Variants in ATXN3 observed in about 807,000 individuals in gnomAD.
ATXN3 encodes ataxin 3.
ATXN3 carries 28 observed loss-of-function variants against 58.2 expected under a neutral mutation model. The ratio of observed to expected loss-of-function variants is 0.48; its 90% CI spans 0.36 to 0.66. ATXN3 has a LOEUF of 0.66. ATXN3 is among the 30% of genes least tolerant of loss of function. The probability of loss-of-function intolerance (pLI) is 0.00; values close to 1 mark genes in which losing one functional copy is unlikely to be tolerated. For missense variants in ATXN3, 321 were observed against 422.1 expected (o/e 0.76, Z 2.10); for synonymous variants, 113 against 138.5 (o/e 0.82, Z 1.29).
At chr14:92,055,965 A>C (rs1056816729), downstream of ATXN3, among the ~76,000 whole-genome samples, 1 of 152,236 alleles carries the variant, frequency 6.6e-6, no homozygotes, top group African/African-American at 2.4e-5. This position sits in a 1 kb window ranked among gnomAD's most constrained non-coding sequence, Gnocchi z 4.5. Flanking sequence ...TGTCTCAAAA[A>C]AAAAGGCAGT....
chr14:92,088,693 G>T, intron 6 of ATXN3, 37 bp downstream of exon 6: 1 of 1,409,226 alleles, frequency 7.1e-7, no homozygotes, highest in South Asian at 1.2e-5. Context: ...TAACTACTTC[G>T]AAAGGTAACA....
downstream of ATXN3, chr14:92,058,465 G>A (rs1164993049): frequency 6.6e-6 from 1 of 152,190 alleles, no homozygotes; most frequent in Non-Finnish European, 1.5e-5. Context: ...CTGGGTAGCT[G>A]GAACTGTAGA....
At chr14:92,066,774 A>ATT (rs144833998) in intron 10 of ATXN3, among the ~76,000 whole-genome samples, 40,291 of 140,376 alleles carry the variant, frequency 0.29, 6,061 homozygotes, top group African/African-American at 0.39. Flanking sequence ...AGCCTGGATA[A>ATT]TTTTTTTTTT....
At chr14:92,053,997 C>T (rs541785319), downstream of ATXN3, among the ~76,000 whole-genome samples, 196 of 151,934 alleles carry the variant, frequency 1.3e-3, 1 homozygote, top group African/African-American at 4.6e-3. Flanking sequence ...GTGCATGGCG[C>T]GATATCTGCT....
chr14:92,095,696 A>G (rs2065041611), intron 3 of ATXN3, among the ~76,000 whole-genome samples: 1 of 150,844 alleles, frequency 6.6e-6, no homozygotes, highest in African/African-American at 2.4e-5. Flanking sequence ...AGTGGCTCAC[A>G]CCTGTAATCC....
intron 9 of ATXN3, among the ~76,000 whole-genome samples, chr14:92,072,659 C>G (rs2059632080): frequency 1.0e-5 from 1 of 95,424 alleles, no homozygotes; most frequent in African/African-American, 4.0e-5. Flanking sequence ...CCAAAACTTA[C>G]AAACAGCTGA....
intron 1 of ATXN3, among the ~76,000 whole-genome samples, chr14:92,102,243 A>AAAGAAAGAAAGAAAAGG (rs2067000915): frequency 6.6e-6 from 1 of 151,676 alleles, no homozygotes; most frequent in Non-Finnish European, 1.5e-5. Flanking sequence ...GGAAGGAAGG[A>AAAGAAAGAAAGAAAAGG]AAGAAAGAAA....
chr14:92,056,975 A>G (rs902250101), downstream of ATXN3, among the ~76,000 whole-genome samples: 1 of 152,200 alleles, frequency 6.6e-6, no homozygotes, highest in African/African-American at 2.4e-5. Context: ...CGGCTGAAAA[A>G]GCCAAAATGG....
At position 92,064,431 on chromosome 14, in the gene ATXN3, C is replaced by A; in HGVS notation, c.992-17G>T. 6.4e-7 allele frequency: 1 copy of A among 1,560,516 alleles called. No individual in the cohort carries two copies. Among genetic ancestry groups the A allele is most frequent in the South Asian group, 1.2e-5 (1 of 83,922 alleles). ...TAGCATCACCTGTTGGGAAACAAAA[C>A]CACATTTCTTTAAAATTTCCAGAAA... On this transcript the variant is annotated splice_polypyrimidine_tract_variant and intron_variant, in intron 10 of 10. Transcript: ENST00000644486.
At chr14:92,074,198 G>A (rs1028584687) in intron 9 of ATXN3, among the ~76,000 whole-genome samples, 2 of 148,212 alleles carry the variant, frequency 1.3e-5, no homozygotes, top group Non-Finnish European at 3.0e-5. Context: ...ACAGTGGCGG[G>A]TGCCTGTAAT....
chr14:92,053,040 T>C (rs368326948), upstream of ATXN3, among the ~76,000 whole-genome samples: 1 of 152,080 alleles, frequency 6.6e-6, no homozygotes. Context: ...TCACCTGAGG[T>C]CAGGAGTTCG....
chr14:92,102,444 C>A (rs1174991110), intron 1 of ATXN3, among the ~76,000 whole-genome samples: 5 of 152,188 alleles, frequency 3.3e-5, no homozygotes, highest in African/African-American at 1.2e-4. Context: ...CATTTACCCC[C>A]AACCTCCCCA....
intron 1 of ATXN3, among the ~76,000 whole-genome samples, chr14:92,106,100 A>G (rs2068270530): frequency 6.6e-6 from 1 of 151,828 alleles, no homozygotes; most frequent in Admixed American, 6.6e-5. Flanking sequence ...GGAGGAGGAA[A>G]AGTTAATTCT....
At chr14:92,095,255 T>C (rs2064922117) in intron 3 of ATXN3, among the ~76,000 whole-genome samples, 1 of 152,104 alleles carries the variant, frequency 6.6e-6, no homozygotes. Flanking sequence ...GGATTTCTTT[T>C]TTTCTTTGAG....
At chr14:92,079,730 T>C (rs1040824791) in intron 9 of ATXN3, among the ~76,000 whole-genome samples, 9 of 152,196 alleles carry the variant, frequency 5.9e-5, no homozygotes, top group Non-Finnish European at 1.3e-4. Flanking sequence ...ATCTTTAACA[T>C]GAAGTTTTCT....
At chr14:92,093,148 A>C in intron 5 of ATXN3, 104 bp downstream of exon 5, 2 of 681,990 alleles carry the variant, frequency 2.9e-6, no homozygotes, top group South Asian at 4.0e-5. Flanking sequence ...CCCCCACCTC[A>C]GCCTCCCAAA....
chr14:92,077,843 C>G lies in ATXN3; in HGVS notation c.872+3122G>C, dbSNP rs143159368. ...TGTATTTTTAGTAGAGACAGGCTTT[C>G]GCCATGTTGGCCAGGTTGGTCTTGA... On this transcript the variant is annotated intron_variant, in intron 9 of 10. Coordinates refer to ENST00000644486, the MANE Select transcript of ATXN3 (RefSeq NM_004993.6). Among the ~76,000 whole-genome samples, 214 of 151,326 alleles carry G rather than the reference C, an allele frequency of 1.4e-3. 2 individuals are homozygous for G. The East Asian group carries it at 0.022, about 15-fold the overall frequency.
chr14:92,089,408 G>C (rs1419901038), intron 5 of ATXN3, among the ~76,000 whole-genome samples: 3 of 143,458 alleles, frequency 2.1e-5, no homozygotes, highest in African/African-American at 7.9e-5. Flanking sequence ...GCGCGATCTC[G>C]GCTCACTGCA....
Position 92,083,467 on chromosome 14 carries a change from T to C in ATXN3, c.476-209A>G, listed in dbSNP as rs2061831906. ...CTTAAAGTCTCTGAGCCTCACTTTC[T>C]CCATTGTAAGACTGGAAGAGCCGTC... is the stretch of plus-strand genomic sequence containing the variant. On this transcript the variant is annotated intron_variant, in intron 6 of 10. Coordinates refer to ENST00000644486, the MANE Select transcript of ATXN3 (RefSeq NM_004993.6). 4.5e-6 allele frequency: 3 copies of C among 669,304 alleles called. No homozygotes were observed. In the African/African-American group the frequency reaches 5.3e-5, roughly 12 times the overall value. 41.5% of individuals were successfully genotyped at this position (669,304 alleles called of 1,614,324 possible).
Sources: gnomAD v4.1 joint callset for allele counts (sites outside exome capture counted in the v4.1 genomes callset) on GRCh38, gnomAD v4.1.1 for gene constraint, Gnocchi (gnomAD v3.1) non-coding constraint, MANE v1.5 for transcripts, NCBI Gene and HGNC (gene_info 2026-07-23, HGNC 2026-07-21) for gene names.